The following RAB27A variants were observed in gnomAD, a reference collection of about 807,000 sequenced individuals.
The protein encoded by RAB27A is RAB27A, member RAS oncogene family, also known as ras-related protein Rab-27A.
A neutral mutation model predicts 20.8 loss-of-function variants in RAB27A; 17 were observed. The ratio of observed to expected loss-of-function variants is 0.82; its 90% CI spans 0.56 to 1.23. RAB27A has a LOEUF of 1.23. Among genes scored for constraint, RAB27A ranks in the 50% most tolerant of loss-of-function variants. RAB27A has a pLI of 0.00. For synonymous variants in RAB27A, 85 were observed against 92.8 expected (o/e 0.92, Z 0.48); for missense variants, 277 against 266.7 (o/e 1.04, Z -0.27).
chr15:55,300,467 G>A (rs71476714), intron 2 of RAB27A, among the ~76,000 whole-genome samples: 6,585 of 152,130 alleles, frequency 0.043, 222 homozygotes, highest in Middle Eastern at 0.058. Flanking sequence ...ATCACCTGAG[G>A]TCGGGAGTTT....
At chr15:55,310,955 A>G (rs2141146313) in intron 2 of RAB27A, among the ~76,000 whole-genome samples, 1 of 152,288 alleles carries the variant, frequency 6.6e-6, no homozygotes, top group East Asian at 1.9e-4. Flanking sequence ...CCAATAATTC[A>G]TAGGCTTCTT....
chr15:55,291,180 CGT>C (rs1898295285), upstream of RAB27A, among the ~76,000 whole-genome samples: 1 of 152,130 alleles, frequency 6.6e-6, no homozygotes. Context: ...GAGCTCTTCC[CGT>C]GTGAGAGAAG....
In RAB27A at chr15:55,288,774, C is replaced by T. The variant is rs1419969817; in HGVS notation, c.-143+942G>A. 3 of 151,794 alleles carry T rather than the reference C, an allele frequency of 2.0e-5. No homozygotes were observed. In the East Asian group the frequency reaches 5.8e-4, roughly 29 times the overall value. The allele number at this position is 151,794 out of a possible 1,614,324, so 9.4% of individuals were successfully genotyped here. A position where few individuals can be genotyped will look rare whatever the true frequency, so the allele number is the denominator to read the frequency against. ...CTTCACTTCTAACCATCTGCAGAAA[C>T]TGTTTTCCAGATTGTATTTTCCCTC... is the stretch of plus-strand genomic sequence containing the variant. On this transcript the variant is annotated intron_variant, in intron 1 of 6. Transcript: ENST00000336787.
chr15:55,227,430 A>C (rs1435472247), intron 5 of RAB27A, among the ~76,000 whole-genome samples: 1 of 152,214 alleles, frequency 6.6e-6, no homozygotes, highest in African/African-American at 2.4e-5. Context: ...TTCAGCTACA[A>C]GGGAAATAAT....
At chr15:55,223,290 A>G (rs1386944654) in intron 6 of RAB27A, among the ~76,000 whole-genome samples, 2 of 151,998 alleles carry the variant, frequency 1.3e-5, no homozygotes, top group African/African-American at 2.4e-5. Flanking sequence ...GTGGGTCACA[A>G]GGTCAGGAGT....
intron 2 of RAB27A, among the ~76,000 whole-genome samples, chr15:55,298,789 G>A (rs576909303): frequency 7.2e-5 from 11 of 152,200 alleles, no homozygotes; most frequent in Non-Finnish European, 1.3e-4. Context: ...CCCCAGGTGC[G>A]TATTCTCTTT....
At chr15:55,312,450 T>C (rs1353804684) in intron 2 of RAB27A, among the ~76,000 whole-genome samples, 1 of 152,202 alleles carries the variant, frequency 6.6e-6, no homozygotes, top group African/African-American at 2.4e-5. Context: ...TAGCTCTACG[T>C]TTAACCATTT....
chr15:55,256,922 G>A lies in RAB27A; in HGVS notation c.-23+13243C>T, dbSNP rs115439292. Among the ~76,000 whole-genome samples the A allele has an allele frequency of 4.1e-3, 628 of 152,292 alleles. 5 individuals carry two copies. Among genetic ancestry groups the A allele is most frequent in the African/African-American group, 0.015 (603 of 41,558 alleles). ...TTTAAGTGGGGTCATGGTGACAGTT[G>A]TCCCTTCTATCACCTCTCACTCCTT... On this transcript the variant is annotated intron_variant, in intron 2 of 6. Coordinates refer to ENST00000336787, the MANE Select transcript of RAB27A (RefSeq NM_183235.3).
intron 2 of RAB27A, among the ~76,000 whole-genome samples, chr15:55,252,819 C>T (rs73413634): frequency 0.011 from 1,618 of 152,238 alleles, 37 homozygotes; most frequent in African/African-American, 0.037. Flanking sequence ...AACTTGCTTT[C>T]CTCTACTCTG....
intron 6 of RAB27A, among the ~76,000 whole-genome samples, chr15:55,217,430 C>T (rs1417249706): frequency 1.3e-5 from 2 of 151,924 alleles, no homozygotes; most frequent in Non-Finnish European, 2.9e-5. Context: ...GAGGCCGAGA[C>T]TTGTGCATCA....
At chr15:55,273,241 T>C (rs1323002236) in intron 1 of RAB27A, among the ~76,000 whole-genome samples, 1 of 151,718 alleles carries the variant, frequency 6.6e-6, no homozygotes, top group Non-Finnish European at 1.5e-5. Context: ...ACTCCATCTC[T>C]ACTAAAAATA....
intron 1 of RAB27A, among the ~76,000 whole-genome samples, chr15:55,280,503 T>TTATATATATATATATATATA (rs71297648): frequency 1.6e-3 from 218 of 137,842 alleles, no homozygotes; most frequent in African/African-American, 6.2e-3. Flanking sequence ...TGGGTATGGT[T>TTATATATATATATATATATA]TATATATATA....
chr15:55,216,503 G>A (rs1206152093), intron 6 of RAB27A, among the ~76,000 whole-genome samples: 1 of 152,136 alleles, frequency 6.6e-6, no homozygotes, highest in Non-Finnish European at 1.5e-5. Context: ...CTGCACTCCA[G>A]CCTGAGCAAC....
chr15:55,315,908 T>C (rs566268700), intron 1 of RAB27A, among the ~76,000 whole-genome samples: 1 of 152,302 alleles, frequency 6.6e-6, no homozygotes, highest in African/African-American at 2.4e-5. Context: ...ACTGGGTATA[T>C]ACCCAAAGGA....
rs774131854 is a variant in RAB27A, at chr15:55,205,530, CCTTTT to C, written c.638_642del (p.Glu213GlyfsTer29). The C allele has an allele frequency of 1.2e-5, 20 of 1,614,078 alleles. No homozygotes were observed. Among genetic ancestry groups the C allele is most frequent in the Admixed American group, 5.0e-5 (3 of 60,012 alleles). On this transcript the variant is annotated frameshift_variant, in exon 7 of 7. Transcript: ENST00000336787. LOFTEE classifies it high-confidence loss of function. ...TCTCAACAGCCACATGCCCCTTTCT[CCTTTT>C]CTTCACTTAACTGATCCGTAGAGGC... is the stretch of plus-strand genomic sequence containing the variant.
At chr15:55,307,598 C>G (rs1220907049) in intron 2 of RAB27A, among the ~76,000 whole-genome samples, 3 of 151,966 alleles carry the variant, frequency 2.0e-5, no homozygotes, top group African/African-American at 7.3e-5. Context: ...CTGGGAATTA[C>G]TTCATGAACT....
chr15:55,238,899 T>C (rs1595704554), intron 2 of RAB27A, among the ~76,000 whole-genome samples: 1 of 151,382 alleles, frequency 6.6e-6, no homozygotes, highest in Non-Finnish European at 1.5e-5. Flanking sequence ...AGCAAGTTCA[T>C]AGTTGTTCAA....
At chr15:55,269,137 G>A (rs184301650) in intron 2 of RAB27A, among the ~76,000 whole-genome samples, 1 of 152,284 alleles carries the variant, frequency 6.6e-6, no homozygotes, top group East Asian at 1.9e-4. Context: ...AGAACTGTGA[G>A]GCAATAAATT....
At chr15:55,247,114 T>C (rs998289053) in intron 2 of RAB27A, among the ~76,000 whole-genome samples, 53 of 152,030 alleles carry the variant, frequency 3.5e-4, no homozygotes, top group African/African-American at 1.2e-3. Flanking sequence ...CATAAAGCTA[T>C]CAAAGAATGG....
Sources: allele counts gnomAD v4.1 joint callset (sites outside exome capture counted in the v4.1 genomes callset), GRCh38; gene constraint gnomAD v4.1.1; transcripts MANE v1.5; gene names NCBI Gene and HGNC (gene_info 2026-07-23, HGNC 2026-07-21).